Variants in CYP27C1 observed in about 807,000 individuals in gnomAD.
The protein encoded by CYP27C1 is cytochrome P450 family 27 subfamily C member 1.
A neutral mutation model predicts 40.6 loss-of-function variants in CYP27C1; 29 were observed. The observed-to-expected ratio is 0.71, with a 90% CI of 0.53 to 0.97. The LOEUF (loss-of-function observed/expected upper bound fraction) is 0.97. Among genes scored for constraint, CYP27C1 ranks in the 50% least tolerant of loss-of-function variants. The pLI is 0.00. For missense variants in CYP27C1, 390 were observed against 485.8 expected (o/e 0.80, Z 1.85); for synonymous variants, 198 against 186.8 (o/e 1.06, Z -0.49).
chr2:127,216,096 G>A (rs930036847), intron 1 of CYP27C1, among the ~76,000 whole-genome samples: 3 of 152,204 alleles, frequency 2.0e-5, no homozygotes, highest in African/African-American at 4.8e-5. Flanking sequence ...TGGTGGGGAT[G>A]TAAAATGGTG....
intron 2 of CYP27C1, among the ~76,000 whole-genome samples, chr2:127,205,392 C>A (rs1683202775): frequency 1.3e-5 from 2 of 152,214 alleles, no homozygotes; most frequent in South Asian, 4.1e-4. Context: ...CCCTGCCTGG[C>A]CGCGGGCCAC....
intron 3 of CYP27C1, among the ~76,000 whole-genome samples, chr2:127,202,921 C>T (rs1486281143): frequency 6.6e-6 from 1 of 152,104 alleles, no homozygotes; most frequent in Non-Finnish European, 1.5e-5. Flanking sequence ...GTAATCCCAG[C>T]ACTTTGGGAG....
At chr2:127,217,592 T>A (rs1390694142) in intron 1 of CYP27C1, among the ~76,000 whole-genome samples, 1 of 152,188 alleles carries the variant, frequency 6.6e-6, no homozygotes, top group Non-Finnish European at 1.5e-5. Context: ...ACATGACTCC[T>A]GTTTCGGCCA....
chr2:127,193,085 A>G lies in CYP27C1; in HGVS notation c.1497+9T>C. On this transcript the variant is annotated intron_variant, in intron 8 of 8. Transcript: ENST00000664447. ...ACCCAAAGGCCAACGTTTGGCCTCC[A>G]CGCCCTACCTGGATCACGACGAGGT... The G allele has an allele frequency of 6.2e-7, 1 of 1,613,990 alleles. No homozygotes were observed. The highest frequency in any genetic ancestry group is 8.5e-7 in the Non-Finnish European group (1 of 1,179,970).
chr2:127,207,360 T>G (rs1447471887), intron 1 of CYP27C1, among the ~76,000 whole-genome samples: 1 of 152,176 alleles, frequency 6.6e-6, no homozygotes, highest in Non-Finnish European at 1.5e-5. Context: ...CCAGGCATGG[T>G]GGTGTGCACC....
chr2:127,190,515 G>T (rs1682743749), intron 8 of CYP27C1, among the ~76,000 whole-genome samples: 1 of 150,344 alleles, frequency 6.7e-6, no homozygotes, highest in Admixed American at 6.6e-5. Context: ...GCTAATTTTT[G>T]TATTTTTGGT....
Position 127,201,321 on chromosome 2 carries a change from G to A in CYP27C1, c.684C>T (p.Thr228=), listed in dbSNP as rs770596373. Residue 228 remains threonine (T), a synonymous_variant, in exon 4 of 9, where the codon ACC becomes ACT. Coordinates refer to ENST00000664447, the MANE Select transcript of CYP27C1 (RefSeq NM_001367502.1). This position sits in a 1 kb window ranked among gnomAD's most constrained non-coding sequence, Gnocchi z 6.0. ...FFKYSMEGVA[T]ILYESRLGCL... ...AGCCCAAACGACTCTCATAAAGGAT[G>A]GTGGCCACTCCTAGACAGGAAAGAG... The A allele has an allele frequency of 1.9e-5, 31 of 1,613,846 alleles. No individual in the cohort carries two copies. Among genetic ancestry groups the A allele is most frequent in the African/African-American group, 4.0e-5 (3 of 74,932 alleles).
intron 1 of CYP27C1, among the ~76,000 whole-genome samples, chr2:127,215,284 G>T (rs893480459): frequency 5.3e-5 from 8 of 152,084 alleles, no homozygotes; most frequent in Non-Finnish European, 1.0e-4. Flanking sequence ...GGATTTAATA[G>T]TCTCTTAAAC....
At position 127,213,606 on chromosome 2, in the gene CYP27C1, T is replaced by C. The variant is rs140608390; in HGVS notation, c.282+6383A>G. The stretch of plus-strand genomic sequence containing the variant: ...AGTATATGGTGCTGGGAAAACTGGC[T>C]AGCCATATGCATAAAACTGAAACTG... On this transcript the variant is annotated intron_variant, in intron 1 of 8. Transcript: ENST00000664447. 8.8e-3 allele frequency among the ~76,000 whole-genome samples: 1,340 copies of C among 152,310 alleles called. 23 individuals carry two copies. The highest frequency in any genetic ancestry group is 0.026 in the African/African-American group (1,086 of 41,556).
At chr2:127,193,961 A>G (rs1682845709) in intron 6 of CYP27C1, 94 bp from the exon 7 acceptor site, 1 of 1,357,388 alleles carries the variant, frequency 7.4e-7, no homozygotes, top group African/African-American at 1.5e-5. Flanking sequence ...CATTTCCATT[A>G]AAAATTCTTA....
chr2:127,187,975 T>C (rs1001004722), intron 8 of CYP27C1, among the ~76,000 whole-genome samples: 63 of 152,296 alleles, frequency 4.1e-4, no homozygotes, highest in African/African-American at 1.4e-3. Context: ...GGAATGTACC[T>C]ACACGGTGAG....
intron 2 of CYP27C1, among the ~76,000 whole-genome samples, chr2:127,204,504 GGAAAGAAA>G (rs1316766392): frequency 1.8e-5 from 1 of 57,028 alleles, no homozygotes; most frequent in African/African-American, 5.9e-5. Flanking sequence ...AAGGAAGGAA[GGAAAGAAA>G]GAAGGAAAGA....
At chr2:127,198,534 T>C (rs1682958416) in intron 5 of CYP27C1, among the ~76,000 whole-genome samples, 1 of 142,238 alleles carries the variant, frequency 7.0e-6, no homozygotes, top group Admixed American at 6.8e-5. Context: ...ACAGAAATCA[T>C]TATGCACCTT....
intron 8 of CYP27C1, among the ~76,000 whole-genome samples, chr2:127,188,444 C>T (rs1052515336): frequency 9.9e-5 from 15 of 152,134 alleles, no homozygotes; most frequent in African/African-American, 3.6e-4. Context: ...CGTTTTGTTG[C>T]CCAGGCTGCT....
chr2:127,205,430 G>C (rs746299142), intron 2 of CYP27C1, among the ~76,000 whole-genome samples: 2 of 152,212 alleles, frequency 1.3e-5, no homozygotes, highest in African/African-American at 2.4e-5. Flanking sequence ...AGAGGTGTTG[G>C]TGACGCTGGT....
chr2:127,211,369 G>GTTTTTTTTTTTTTTTT (rs371826841), intron 1 of CYP27C1, among the ~76,000 whole-genome samples: 3 of 94,974 alleles, frequency 3.2e-5, no homozygotes, highest in African/African-American at 1.3e-4. Context: ...GTGTTTTTTT[G>GTTTTTTTTTTTTTTTT]TTTTTTTTTT....
rs139058558 is a variant in CYP27C1, at chr2:127,203,450, A to G, written c.595T>C (p.Tyr199His). 4.3e-3 allele frequency: 6,968 copies of G among 1,614,042 alleles called. 20 individuals are homozygous for G. The highest frequency in any genetic ancestry group is 5.1e-3 in the Non-Finnish European group (6,005 of 1,180,002). ...QVIADLIKRI[Y>H]LLRSQAEDGE... is the part of the protein sequence containing the mutation. ...TCTTCTGCCTGGCTCCTGAGGAGGT[A>G]GATTCTTTTAATTAAGTCAGCAATA... is the stretch of plus-strand genomic sequence containing the variant. The change falls in exon 3 of 9, where the codon TAC (tyrosine) becomes CAC (histidine). Residue 199 changes from tyrosine (Y) to histidine (H), a missense_variant. Transcript: ENST00000664447.
chr2:127,213,572 C>A (rs574811038), intron 1 of CYP27C1, among the ~76,000 whole-genome samples: 5 of 152,232 alleles, frequency 3.3e-5, no homozygotes, highest in South Asian at 2.1e-4. Flanking sequence ...GGGAAAGGAA[C>A]TCCTATTCAG....
chr2:127,203,611 C>T, intron 2 of CYP27C1, 40 bp from the exon 3 acceptor site: 1 of 1,569,662 alleles, frequency 6.4e-7, no homozygotes, highest in East Asian at 2.3e-5. Context: ...CTTACTTACA[C>T]TGACATTCTG....
Sources: allele counts gnomAD v4.1 joint callset (sites outside exome capture counted in the v4.1 genomes callset), GRCh38; gene constraint gnomAD v4.1.1; non-coding constraint Gnocchi (gnomAD v3.1); transcripts MANE v1.5; gene names NCBI Gene and HGNC (gene_info 2026-07-23, HGNC 2026-07-21).